Variants in RPS3 observed in about 807,000 individuals in gnomAD.
RPS3 encodes the protein small ribosomal subunit protein uS3.
Under a neutral mutation model 25.8 loss-of-function variants are expected in RPS3, and 2 were observed. The ratio of observed to expected loss-of-function variants is 0.08; its 90% CI spans 0.03 to 0.24. RPS3 has a LOEUF of 0.24. Among genes scored for constraint, RPS3 ranks in the 10% least tolerant of loss-of-function variants. RPS3 has a pLI of 1.00. For synonymous variants in RPS3, 114 were observed against 114.2 expected (o/e 1.00, Z 0.01); for missense variants, 107 against 307.1 (o/e 0.35, Z 4.87).
rs756325192 is a variant in RPS3 at position 75,405,990 on chromosome 11, A to G, written c.*380A>G. 6 of 172,870 alleles carry G rather than the reference A, an allele frequency of 3.5e-5. No individual in the cohort carries two copies. The highest frequency in any genetic ancestry group is 2.7e-4 in the South Asian group (2 of 7,454). 10.7% of individuals were successfully genotyped at this position (172,870 alleles called of 1,614,324 possible). On this transcript the variant is annotated 3_prime_UTR_variant, in exon 7 of 7. Coordinates refer to ENST00000531188, the MANE Select transcript of RPS3 (RefSeq NM_001005.5). Reference sequence around the variant, plus strand: ...ACATAGAAAGTGAATATAAATGGCCATTATATTTTGTGTCATGCTGTGCTC... The same window carrying G: ...ACATAGAAAGTGAATATAAATGGCCGTTATATTTTGTGTCATGCTGTGCTC...
At chr11:75,409,826 ACCTC>A (rs1948327713), downstream of RPS3, among the ~76,000 whole-genome samples, 1 of 80,296 alleles carries the variant, frequency 1.2e-5, no homozygotes, top group South Asian at 4.1e-4. Flanking sequence ...TGACCCCCCC[ACCTC>A]CCTCCCGGAC....
chr11:75,399,686 C>T, intron 1 of RPS3, 109 bp downstream of exon 1: 1 of 970,734 alleles, frequency 1.0e-6, no homozygotes, highest in Non-Finnish European at 1.6e-6. Context: ...TGGAAGCGGC[C>T]TAGGCTTCCT....
downstream of RPS3, among the ~76,000 whole-genome samples, chr11:75,408,695 G>A (rs1346064862): frequency 2.6e-5 from 4 of 151,996 alleles, no homozygotes; most frequent in South Asian, 2.1e-4. Context: ...ACAGAAGGCC[G>A]CCACCACTCC....
chr11:75,411,930 C>T (rs1273355324), intron 6 of RPS3, among the ~76,000 whole-genome samples: 1 of 152,176 alleles, frequency 6.6e-6, no homozygotes, highest in Non-Finnish European at 1.5e-5. Context: ...ACCATTCAGC[C>T]TTATGTGTGG....
Position 75,400,699 on chromosome 11 carries a change from C to G in RPS3, c.36C>G (p.Val12=). 1.2e-6 allele frequency: 2 copies of G among 1,612,182 alleles called. No homozygotes were observed. The highest frequency in any genetic ancestry group is 2.2e-5 in the South Asian group (2 of 90,982). ...AVQISKKRKF[V]ADGIFKAELN... is the part of the protein sequence containing the mutation. ...CTTTGCTTTGTTTGGATTAGTTTGTCGCTGATGGCATCTTCAAAGCTGAAC... is the reference window on the plus strand; with the variant it reads ...CTTTGCTTTGTTTGGATTAGTTTGTGGCTGATGGCATCTTCAAAGCTGAAC... Residue 12 remains valine (V), a synonymous_variant, in exon 2 of 7, where the codon GTC becomes GTG. Coordinates refer to ENST00000531188, the MANE Select transcript of RPS3 (RefSeq NM_001005.5).
chr11:75,403,986 A>G, intron 4 of RPS3, 34 bp from the exon 5 acceptor site: 1 of 1,591,546 alleles, frequency 6.3e-7, no homozygotes, highest in Non-Finnish European at 8.6e-7. Context: ...GGTCCTTGGC[A>G]ATAACACAGT....
In RPS3 at chr11:75,404,029, T is replaced by C; in HGVS notation, c.360T>C (p.Tyr120=). The C allele has an allele frequency of 6.2e-7, 1 of 1,612,490 alleles. No homozygotes were observed. Among genetic ancestry groups the C allele is most frequent in the Non-Finnish European group, 8.5e-7 (1 of 1,179,974 alleles). ...TTCTGTTCTTTTAAAGGGCCTGCTA[T>C]GGTGTGCTGCGGTTCATCATGGAGA... ...LGGLAVRRAC[Y]GVLRFIMESG... is the part of the protein sequence containing the mutation. The change falls in exon 5 of 7, where the codon TAT becomes TAC. Residue 120 remains tyrosine, a synonymous_variant. Coordinates refer to ENST00000531188, the MANE Select transcript of RPS3 (RefSeq NM_001005.5). This position sits in a 1 kb window ranked among gnomAD's most constrained non-coding sequence, Gnocchi z 4.6.
chr11:75,420,976 C>T (rs1296141384), intron 6 of RPS3, among the ~76,000 whole-genome samples: 5 of 152,188 alleles, frequency 3.3e-5, no homozygotes, highest in Admixed American at 6.5e-5. Context: ...GTCCAGCCAA[C>T]TAAGATGCCC....
At chr11:75,405,460 A>AT (rs34828342) in intron 6 of RPS3, 154 bp from the exon 7 acceptor site, 149,646 of 295,500 alleles carry the variant, frequency 0.51, 29,048 homozygotes, top group African/African-American at 0.69. Context: ...GGTGCCTTGT[A>AT]TTTTTTTTTT....
intron 6 of RPS3, chr11:75,405,116 C>T (rs1565164837): frequency 3.1e-6 from 1 of 323,610 alleles, no homozygotes; most frequent in East Asian, 5.1e-5. Flanking sequence ...ATAGTTTTCC[C>T]TTATCCTCCC....
At chr11:75,415,106 A>G (rs1948385667) in intron 6 of RPS3, among the ~76,000 whole-genome samples, 1 of 152,160 alleles carries the variant, frequency 6.6e-6, no homozygotes, top group Admixed American at 6.5e-5. Flanking sequence ...TGAGTATCTC[A>G]GTGCTGCTGT....
At chr11:75,420,435 C>T (rs1031046319) in intron 6 of RPS3, among the ~76,000 whole-genome samples, 1 of 152,156 alleles carries the variant, frequency 6.6e-6, no homozygotes, top group Admixed American at 6.5e-5. Flanking sequence ...GTGCTGCACT[C>T]AAGCCATTTG....
chr11:75,413,320 G>A (rs1445086125), intron 6 of RPS3, among the ~76,000 whole-genome samples: 1 of 151,844 alleles, frequency 6.6e-6, no homozygotes, highest in African/African-American at 2.4e-5. Flanking sequence ...GACTCACTGC[G>A]ATCTCAGCTC....
At chr11:75,410,572 C>T (rs1385609602), downstream of RPS3, among the ~76,000 whole-genome samples, 18 of 152,208 alleles carry the variant, frequency 1.2e-4, no homozygotes, top group Admixed American at 9.8e-4. Context: ...ACGCTCCTCA[C>T]TTCCCAGACG....
chr11:75,403,947 T>A (rs1948246633), intron 4 of RPS3, 73 bp from the exon 5 acceptor site: 7 of 1,416,038 alleles, frequency 4.9e-6, no homozygotes, highest in Middle Eastern at 2.6e-4. Context: ...GAAAACCAAG[T>A]CTTTGTTTTG....
chr11:75,415,676 G>A (rs1233047859), intron 6 of RPS3, among the ~76,000 whole-genome samples: 1 of 152,074 alleles, frequency 6.6e-6, no homozygotes, highest in Non-Finnish European at 1.5e-5. Context: ...CTTGGTGGTG[G>A]GTGCCTGTAA....
At chr11:75,414,874 GGA>G (rs2135069415) in intron 6 of RPS3, among the ~76,000 whole-genome samples, 1 of 152,298 alleles carries the variant, frequency 6.6e-6, no homozygotes, top group African/African-American at 2.4e-5. Flanking sequence ...AGAGGACAGT[GGA>G]TAAAGGGTTT....
chr11:75,410,901 C>A (rs989164201), downstream of RPS3, among the ~76,000 whole-genome samples: 4 of 152,136 alleles, frequency 2.6e-5, no homozygotes, highest in East Asian at 7.7e-4. Context: ...TTTTTTGAGA[C>A]AGTCTCGCTC....
intron 1 of RPS3, 150 bp from the exon 2 acceptor site, chr11:75,400,544 T>C (rs1246728721): frequency 2.7e-6 from 3 of 1,104,992 alleles, no homozygotes; most frequent in East Asian, 5.2e-5. Flanking sequence ...GAAGGGTTGC[T>C]GCACTCCTGT....
Sources: gnomAD v4.1 joint callset for allele counts (sites outside exome capture counted in the v4.1 genomes callset) on GRCh38, gnomAD v4.1.1 for gene constraint, Gnocchi (gnomAD v3.1) non-coding constraint, MANE v1.5 for transcripts, NCBI Gene and HGNC (gene_info 2026-07-23, HGNC 2026-07-21) for gene names.